The following CYRIB variants were observed in gnomAD, a reference collection of about 807,000 sequenced individuals.
The protein encoded by CYRIB is CYFIP related Rac1 interactor B, also known as CYFIP-related Rac1 interactor B.
In CYRIB, 8 loss-of-function variants were observed where a neutral mutation model predicts 44.2. The ratio of observed to expected loss-of-function variants is 0.18; its 90% CI spans 0.11 to 0.33. CYRIB has a LOEUF of 0.33. Among genes scored for constraint, CYRIB ranks in the 10% least tolerant of loss-of-function variants. The probability of loss-of-function intolerance (pLI) is 1.00; values close to 1 mark genes in which losing one functional copy is unlikely to be tolerated. For missense variants in CYRIB, 185 were observed against 382.8 expected (o/e 0.48, Z 4.31); for synonymous variants, 131 against 127.2 (o/e 1.03, Z -0.20).
At chr8:129,919,042 AT>A (rs1217566253) in intron 1 of CYRIB, among the ~76,000 whole-genome samples, 1 of 152,102 alleles carries the variant, frequency 6.6e-6, no homozygotes, top group East Asian at 1.9e-4. Context: ...TATTTTACTT[AT>A]TTTTTTAAGA....
At chr8:129,883,222 T>C (rs1053105122) in intron 2 of CYRIB, among the ~76,000 whole-genome samples, 5 of 151,730 alleles carry the variant, frequency 3.3e-5, no homozygotes, top group Non-Finnish European at 5.9e-5. Context: ...CTTTTGTTAT[T>C]GGAGTCTGTC....
chr8:129,937,955 G>A (rs907978191), intron 1 of CYRIB, among the ~76,000 whole-genome samples: 5 of 151,682 alleles, frequency 3.3e-5, no homozygotes, highest in Non-Finnish European at 5.9e-5. Context: ...ACCTAAGCGG[G>A]GACAAACAGC....
At chr8:129,958,252 G>A (rs1164574237) in intron 2 of CYRIB, among the ~76,000 whole-genome samples, 2 of 151,276 alleles carry the variant, frequency 1.3e-5, no homozygotes, top group Non-Finnish European at 3.0e-5. Context: ...AGAAAAAAGA[G>A]CCTTTCCACT....
chr8:129,875,219 A>C (rs1325925150), intron 3 of CYRIB, among the ~76,000 whole-genome samples: 1 of 152,118 alleles, frequency 6.6e-6, no homozygotes, highest in African/African-American at 2.4e-5. Flanking sequence ...GTTGTTATAA[A>C]ATAGGAAATT....
intron 1 of CYRIB, among the ~76,000 whole-genome samples, chr8:129,905,228 T>TTGAC (rs1483250507): frequency 2.0e-5 from 3 of 151,458 alleles, no homozygotes; most frequent in Non-Finnish European, 4.4e-5. Context: ...GATTGATTGA[T>TTGAC]TGATTTTGAG....
intron 1 of CYRIB, among the ~76,000 whole-genome samples, chr8:130,007,947 G>A (rs1249859543): frequency 6.6e-6 from 1 of 152,084 alleles, no homozygotes; most frequent in African/African-American, 2.4e-5. Flanking sequence ...GGTGGCTCAC[G>A]CCTGTAATCC....
chr8:129,985,277 C>T lies in CYRIB; in HGVS notation c.-295-14282G>A, dbSNP rs533985874. ...ATGGGATGGGCACCACAGCGGCTGG[C>T]AGCAAGTACTAACAGGCAGTAGGTG... On this transcript the variant is annotated intron_variant, in intron 1 of 14. Transcript: ENST00000401979. Among the ~76,000 whole-genome samples, 5 of 152,320 alleles carry T rather than the reference C, an allele frequency of 3.3e-5. 1 individual carries two copies. Among genetic ancestry groups the T allele is most frequent in the African/African-American group, 1.2e-4 (5 of 41,574 alleles).
chr8:129,962,162 T>C (rs2095291699), intron 2 of CYRIB, among the ~76,000 whole-genome samples: 1 of 151,952 alleles, frequency 6.6e-6, no homozygotes, highest in Non-Finnish European at 1.5e-5. Context: ...GTGGATCACC[T>C]GAGCCTGGGA....
At chr8:129,967,376 T>G (rs550672523) in intron 2 of CYRIB, among the ~76,000 whole-genome samples, 2 of 150,512 alleles carry the variant, frequency 1.3e-5, no homozygotes, top group Non-Finnish European at 2.9e-5. Context: ...GTTTTGTTTT[T>G]TTGTTTTTTT....
chr8:129,902,146 T>G (rs2072494212), intron 2 of CYRIB, among the ~76,000 whole-genome samples: 1 of 152,184 alleles, frequency 6.6e-6, no homozygotes, highest in Admixed American at 6.6e-5. Context: ...TGATAACAAT[T>G]CTGAAGGACT....
chr8:129,866,589 TAAC>T (rs796857778), intron 4 of CYRIB, among the ~76,000 whole-genome samples: 13 of 152,244 alleles, frequency 8.5e-5, no homozygotes, highest in African/African-American at 2.2e-4. Flanking sequence ...CTAAAAACAG[TAAC>T]AACAACAAAA....
intron 1 of CYRIB, among the ~76,000 whole-genome samples, chr8:129,981,078 G>A (rs1456303656): frequency 6.6e-6 from 1 of 152,104 alleles, no homozygotes; most frequent in Non-Finnish European, 1.5e-5. Flanking sequence ...GAACTATGGT[G>A]TACTGAAAAG....
intron 11 of CYRIB, among the ~76,000 whole-genome samples, chr8:129,845,583 G>C (rs1279158594): frequency 6.6e-6 from 1 of 152,146 alleles, no homozygotes; most frequent in Non-Finnish European, 1.5e-5. Flanking sequence ...TACCGCTTAT[G>C]CAACACTTTT....
chr8:130,005,137 A>AT (rs1268858864), intron 1 of CYRIB, among the ~76,000 whole-genome samples: 1 of 150,902 alleles, frequency 6.6e-6, no homozygotes, highest in East Asian at 1.9e-4. Context: ...TTTATTTTTT[A>AT]TTTTTTTGCC....
intron 1 of CYRIB, among the ~76,000 whole-genome samples, chr8:129,921,710 G>A (rs1327526549): frequency 6.6e-6 from 1 of 152,160 alleles, no homozygotes; most frequent in African/African-American, 2.4e-5. Flanking sequence ...AATGCAATGG[G>A]ATGTATTCAA....
intron 1 of CYRIB, among the ~76,000 whole-genome samples, chr8:129,924,524 G>A (rs918351578): frequency 3.3e-5 from 5 of 152,054 alleles, no homozygotes; most frequent in South Asian, 2.1e-4. Flanking sequence ...AGCCGAACCC[G>A]TGGGATGTAA....
chr8:129,979,852 C>T (rs983443236), intron 1 of CYRIB, among the ~76,000 whole-genome samples: 3 of 152,002 alleles, frequency 2.0e-5, no homozygotes, highest in Admixed American at 6.6e-5. Context: ...AGCCAGGAGG[C>T]GGAGGGTGCA....
Position 129,861,800 on chromosome 8 carries a change from A to G in CYRIB, c.301+429T>C, listed in dbSNP as rs61064071. Among the ~76,000 whole-genome samples, 187 of 152,272 alleles carry G rather than the reference A, an allele frequency of 1.2e-3. 4 individuals carry two copies. In the East Asian group the frequency reaches 0.032, roughly 26 times the overall value. On this transcript the variant is annotated intron_variant, in intron 5 of 11. Coordinates refer to ENST00000519824, the Ensembl canonical transcript of CYRIB. ...GATACATGAATTAAGCGTAACCAGT[A>G]AAAATTTCAAGAAAACCTCTTTGAT...
chr8:129,868,968 C>T (rs1386298653), intron 4 of CYRIB, among the ~76,000 whole-genome samples: 4 of 140,112 alleles, frequency 2.9e-5, no homozygotes, highest in East Asian at 2.1e-4. Context: ...GAGGCTGAGG[C>T]GGGAGGACTG....
Sources: gnomAD v4.1 joint callset for allele counts (sites outside exome capture counted in the v4.1 genomes callset) on GRCh38, gnomAD v4.1.1 for gene constraint, MANE v1.5 for transcripts, NCBI Gene and HGNC (gene_info 2026-07-23, HGNC 2026-07-21) for gene names.